OCA2: variants seen among roughly 807,000 people sequenced by gnomAD.
OCA2 encodes P protein.
OCA2 carries 77 observed loss-of-function variants against 100.2 expected under a neutral mutation model. The observed-to-expected ratio is 0.77, with a 90% CI of 0.64 to 0.93. The LOEUF (loss-of-function observed/expected upper bound fraction) is 0.93. Among genes scored for constraint, OCA2 ranks in the 40% least tolerant of loss-of-function variants. The pLI is 0.00. For synonymous variants in OCA2, 432 were observed against 439.2 expected (o/e 0.98, Z 0.21); for missense variants, 1,062 against 1,089.1 (o/e 0.98, Z 0.35).
At chr15:27,919,247 T>C (rs2038775567) in intron 19 of OCA2, among the ~76,000 whole-genome samples, 1 of 152,138 alleles carries the variant, frequency 6.6e-6, no homozygotes, top group Non-Finnish European at 1.5e-5. Flanking sequence ...GGTGCAATTA[T>C]CCTCTGGCCA....
chr15:27,745,480 C>A, the OCA2 span, among the ~76,000 whole-genome samples: 1 of 152,192 alleles, frequency 6.6e-6, no homozygotes, highest in Admixed American at 6.5e-5. Context: ...TAACCGTAAA[C>A]CTCTAGCGGC....
intron 9 of OCA2, among the ~76,000 whole-genome samples, chr15:27,996,675 T>A (rs117003001): frequency 6.6e-6 from 1 of 151,780 alleles, no homozygotes; most frequent in Admixed American, 6.6e-5. Context: ...ATTACATGCC[T>A]ACAAATTGAT....
intron 18 of OCA2, among the ~76,000 whole-genome samples, chr15:27,943,053 C>G (rs751403951): frequency 1.3e-5 from 2 of 152,078 alleles, no homozygotes; most frequent in Non-Finnish European, 1.5e-5. Flanking sequence ...TATGCCAAAG[C>G]CTTTCCAGTA....
chr15:28,016,133 C>T lies in OCA2; in HGVS notation c.861G>A (p.Val287=), dbSNP rs748781387. The change falls in exon 8 of 24, where the codon GTG becomes GTA. Residue 287 remains valine, a synonymous_variant. Transcript: ENST00000354638. ...YLNPRRSEHS[V]MSRTFEVLTR... Reference sequence around the variant, plus strand: ...TCAGTACCTCAAAGGTCCTGCTCATCACTGAGTGCTCGCTTCTCCTCGGAT... The same window carrying T: ...TCAGTACCTCAAAGGTCCTGCTCATTACTGAGTGCTCGCTTCTCCTCGGAT... The T allele has an allele frequency of 1.2e-6, 2 of 1,614,182 alleles. No homozygotes were observed. Among genetic ancestry groups the T allele is most frequent in the Non-Finnish European group, 1.7e-6 (2 of 1,180,028 alleles).
intron 19 of OCA2, among the ~76,000 whole-genome samples, chr15:27,912,766 A>T (rs1189750142): frequency 6.6e-6 from 1 of 152,252 alleles, no homozygotes; most frequent in Non-Finnish European, 1.5e-5. Flanking sequence ...GAGGAAAAAC[A>T]CAATGTTAGT....
At chr15:27,987,711 G>C (rs952265639) in intron 11 of OCA2, among the ~76,000 whole-genome samples, 6 of 152,036 alleles carry the variant, frequency 3.9e-5, no homozygotes, top group Middle Eastern at 6.9e-3. Context: ...CCTGGAGACA[G>C]AGCGAGACTC....
chr15:27,727,304 A>G, the OCA2 span, among the ~76,000 whole-genome samples: 8 of 152,228 alleles, frequency 5.3e-5, no homozygotes, highest in African/African-American at 1.9e-4. Flanking sequence ...AGGGCCTCAC[A>G]GGGCAGCAAC....
intron 9 of OCA2, among the ~76,000 whole-genome samples, chr15:28,004,879 T>A (rs1321888671): frequency 6.6e-6 from 1 of 152,054 alleles, no homozygotes; most frequent in Non-Finnish European, 1.5e-5. Flanking sequence ...CCCAACGTCC[T>A]TCCACTTGAT....
At chr15:27,906,401 G>T (rs2038177667) in intron 19 of OCA2, among the ~76,000 whole-genome samples, 1 of 151,572 alleles carries the variant, frequency 6.6e-6, no homozygotes, top group Non-Finnish European at 1.5e-5. Context: ...ATATAACAAG[G>T]GTCACTAAAT....
chr15:27,794,905 GTTCTTTT>G (rs1478926690), intron 23 of OCA2, among the ~76,000 whole-genome samples: 1 of 152,116 alleles, frequency 6.6e-6, no homozygotes, highest in African/African-American at 2.4e-5. Flanking sequence ...TCAATCTCTG[GTTCTTTT>G]CAGAATATGT....
chr15:27,805,009 G>A (rs2033770730), intron 23 of OCA2, among the ~76,000 whole-genome samples: 1 of 152,218 alleles, frequency 6.6e-6, no homozygotes, highest in Admixed American at 6.5e-5. Context: ...ACCGAGCTGC[G>A]TGGTGAGTTA....
At chr15:27,746,240 G>A in the OCA2 span, among the ~76,000 whole-genome samples, 1 of 152,110 alleles carries the variant, frequency 6.6e-6, no homozygotes, top group South Asian at 2.1e-4. Context: ...GGTGGATCAC[G>A]GGGTCAGGAG....
At chr15:27,869,074 G>A (rs765500267) in intron 21 of OCA2, among the ~76,000 whole-genome samples, 9 of 152,224 alleles carry the variant, frequency 5.9e-5, no homozygotes, top group Non-Finnish European at 1.0e-4. Context: ...GCAAACCCCA[G>A]TGGCTCCCCA....
chr15:27,879,052 C>T (rs541548414), intron 19 of OCA2, among the ~76,000 whole-genome samples: 20 of 152,184 alleles, frequency 1.3e-4, no homozygotes, highest in African/African-American at 3.9e-4. Context: ...GTTCCCCTCC[C>T]TCTATCCATT....
chr15:28,015,006 T>C lies in OCA2; in HGVS notation c.891-77A>G, dbSNP rs530170576. The C allele has an allele frequency of 2.8e-5, 41 of 1,456,926 alleles. No individual in the cohort carries two copies. The African/African-American group carries it at 4.9e-4, about 17-fold the overall frequency. 90.2% of individuals were successfully genotyped at this position (1,456,926 alleles called of 1,614,324 possible). A position where few individuals can be genotyped will look rare whatever the true frequency, so the allele number is the denominator to read the frequency against. On this transcript the variant is annotated intron_variant, in intron 8 of 23. Coordinates refer to ENST00000354638, the MANE Select transcript of OCA2 (RefSeq NM_000275.3). ...CCTCCCTCTGTATCAGCCATGGCAT[T>C]AACCAGAGTGCAAATGGAACAATTC...
At chr15:27,781,470 C>G (rs1471898868) in intron 23 of OCA2, among the ~76,000 whole-genome samples, 2 of 152,192 alleles carry the variant, frequency 1.3e-5, no homozygotes, top group Non-Finnish European at 2.9e-5. Flanking sequence ...CACTATTGCT[C>G]AGTCACTCAT....
intron 19 of OCA2, among the ~76,000 whole-genome samples, chr15:27,873,474 T>A (rs547179865): frequency 1.6e-4 from 24 of 152,244 alleles, no homozygotes; most frequent in Admixed American, 1.6e-3. Context: ...AATGTAGCTA[T>A]ACCTTTTATT....
chr15:27,894,737 G>A (rs2037614951), intron 19 of OCA2, among the ~76,000 whole-genome samples: 1 of 152,192 alleles, frequency 6.6e-6, no homozygotes, highest in African/African-American at 2.4e-5. Flanking sequence ...GTGGCATTGT[G>A]ACATATGGCT....
At chr15:27,947,799 C>CA (rs2039894044) in intron 18 of OCA2, among the ~76,000 whole-genome samples, 1 of 151,848 alleles carries the variant, frequency 6.6e-6, no homozygotes, top group African/African-American at 2.4e-5. Flanking sequence ...AGTGGCCCGT[C>CA]ACGAAGGCCA....
Sources: allele counts gnomAD v4.1 joint callset (sites outside exome capture counted in the v4.1 genomes callset), GRCh38; gene constraint gnomAD v4.1.1; transcripts MANE v1.5; gene names NCBI Gene and HGNC (gene_info 2026-07-23, HGNC 2026-07-21).